Variants in PDE4D observed in about 807,000 individuals in gnomAD.
The protein encoded by PDE4D is phosphodiesterase 4D.
In PDE4D, 24 loss-of-function variants were observed where a neutral mutation model predicts 87.4. That is an observed-to-expected ratio of 0.27 (90% CI 0.20 to 0.39). The LOEUF is 0.39. Among genes scored for constraint, PDE4D ranks in the 10% least tolerant of loss-of-function variants. The pLI is 1.00. For missense variants in PDE4D, 714 were observed against 1,041.0 expected, an observed-to-expected ratio of 0.69 and a Z score of 4.32; for synonymous variants, 384 against 383.2, an observed-to-expected ratio of 1.00 and a Z score of -0.02.
intron 1 of PDE4D, among the ~76,000 whole-genome samples, chr5:60,297,512 A>C (rs1301494314): frequency 6.6e-6 from 1 of 152,216 alleles, no homozygotes; most frequent in African/African-American, 2.4e-5. Flanking sequence ...TATGGTTACC[A>C]AACATGCTAT....
At chr5:59,202,796 T>A (rs1229908538) in intron 2 of PDE4D, among the ~76,000 whole-genome samples, 4 of 152,168 alleles carry the variant, frequency 2.6e-5, no homozygotes, top group Non-Finnish European at 5.9e-5. Context: ...CCACCATGAT[T>A]GTGAGGCCTC....
rs575145930 is a variant in PDE4D at position 60,184,685 on chromosome 5, C to A, written c.42+872G>T. On this transcript the variant is annotated intron_variant, in intron 2 of 16. Coordinates refer to the PDE4D transcript ENST00000502484. ...ACCCTTAAAAGCTGGATGGTAACTC[C>A]ATAGAAAGAATGAAAGATGGCCTTG... is the stretch of plus-strand genomic sequence containing the variant. Among the ~76,000 whole-genome samples, 17 of 152,302 alleles carry A rather than the reference C, an allele frequency of 1.1e-4. No homozygotes were observed. The South Asian group carries it at 3.3e-3, about 30-fold the overall frequency.
intron 5 of PDE4D, among the ~76,000 whole-genome samples, chr5:59,057,893 G>A (rs1762586864): frequency 6.6e-6 from 1 of 152,126 alleles, no homozygotes; most frequent in African/African-American, 2.4e-5. Context: ...AGCATTAGTA[G>A]GGGACTGGGA....
intron 1 of PDE4D, among the ~76,000 whole-genome samples, chr5:59,470,511 G>A (rs1368688728): frequency 3.9e-5 from 6 of 152,068 alleles, no homozygotes; most frequent in Non-Finnish European, 5.9e-5. Context: ...GAATTAAGCC[G>A]AGAAATAGTT....
At chr5:59,309,949 A>G (rs1177813681) in intron 1 of PDE4D, among the ~76,000 whole-genome samples, 2 of 151,840 alleles carry the variant, frequency 1.3e-5, no homozygotes, top group Non-Finnish European at 2.9e-5. Context: ...GAGGCACCCA[A>G]CTCTGCTTAC....
At chr5:60,081,558 T>G (rs1773956333) in intron 2 of PDE4D, among the ~76,000 whole-genome samples, 1 of 152,196 alleles carries the variant, frequency 6.6e-6, no homozygotes, top group Non-Finnish European at 1.5e-5. Context: ...TAATACTGCT[T>G]TAACTGTGTC....
rs1180727521 is a variant in PDE4D at position 59,215,836 on chromosome 5, G to A, written c.588C>T (p.Asp196=). The change falls in exon 2 of 15, where the codon GAC becomes GAT. Residue 196 remains aspartate (D), a synonymous_variant. Coordinates refer to ENST00000340635, the MANE Select transcript of PDE4D (RefSeq NM_001104631.2). The part of the protein sequence containing the change: ...QRRESFLYRS[D]SDYDLSPKSM... ...ACTTTGGAGAGAGGTCATAATCGCT[G>A]TCGGATCGATACAGGAAGGACTCCC... 6 of 1,613,696 alleles carry A rather than the reference G, an allele frequency of 3.7e-6. No homozygotes were observed. The highest frequency in any genetic ancestry group is 1.1e-5 in the South Asian group (1 of 91,090).
intron 1 of PDE4D, among the ~76,000 whole-genome samples, chr5:59,761,609 C>G (rs1235111392): frequency 6.6e-6 from 1 of 151,912 alleles, no homozygotes; most frequent in African/African-American, 2.4e-5. Flanking sequence ...TTAGCCTAGG[C>G]TTACACAAGG....
At chr5:59,662,570 C>T (rs990030684) in intron 1 of PDE4D, among the ~76,000 whole-genome samples, 1 of 152,174 alleles carries the variant, frequency 6.6e-6, no homozygotes, top group East Asian at 1.9e-4. Flanking sequence ...ATCATTTGTA[C>T]ACTTAGATTG....
intron 3 of PDE4D, among the ~76,000 whole-genome samples, chr5:59,187,278 T>C (rs34563226): frequency 0.16 from 25,008 of 152,112 alleles, 2,204 homozygotes; most frequent in African/African-American, 0.2. Flanking sequence ...AATTTAATAT[T>C]ATTTTGTCTT....
At chr5:59,376,556 C>T (rs1784768945) in intron 1 of PDE4D, among the ~76,000 whole-genome samples, 1 of 152,136 alleles carries the variant, frequency 6.6e-6, no homozygotes, top group Non-Finnish European at 1.5e-5. Flanking sequence ...AATAGAAAAA[C>T]ATTCCATGAT....
intron 1 of PDE4D, among the ~76,000 whole-genome samples, chr5:59,802,145 G>A (rs1294871969): frequency 6.6e-6 from 1 of 152,062 alleles, no homozygotes; most frequent in Non-Finnish European, 1.5e-5. Context: ...GGGTAATTTT[G>A]GCAATCTCTA....
intron 1 of PDE4D, among the ~76,000 whole-genome samples, chr5:59,808,542 T>C (rs1180760660): frequency 6.6e-6 from 1 of 152,116 alleles, no homozygotes; most frequent in Non-Finnish European, 1.5e-5. Context: ...TTCCCAAGCC[T>C]AGGCCCCATT....
chr5:59,633,725 G>T (rs922321255), intron 1 of PDE4D, among the ~76,000 whole-genome samples: 10 of 152,240 alleles, frequency 6.6e-5, no homozygotes, highest in Non-Finnish European at 1.2e-4. Context: ...CCTTACAAGA[G>T]CTCCTGGAGG....
Position 59,000,011 on chromosome 5 carries a change from C to G in PDE4D, c.922-6546G>C, listed in dbSNP as rs1366407626. The G allele has an allele frequency of 4.8e-5, 33 of 692,194 alleles. No homozygotes were observed. The Admixed American group carries it at 5.0e-4, about 11-fold the overall frequency. The allele number at this position is 692,194 out of a possible 1,614,324, so 42.9% of individuals were successfully genotyped here. A position where few individuals can be genotyped will look rare whatever the true frequency, so the allele number is the denominator to read the frequency against. ...GCACCAATTGCATTCCAGCTCTTAG[C>G]CTATAAGGCGAGGGGGTGTGGCCTC... is the stretch of plus-strand genomic sequence containing the variant. On this transcript the variant is annotated intron_variant, in intron 6 of 14. Transcript: ENST00000340635.
chr5:59,506,561 A>C (rs1809302327), intron 1 of PDE4D, among the ~76,000 whole-genome samples: 1 of 152,192 alleles, frequency 6.6e-6, no homozygotes, highest in Non-Finnish European at 1.5e-5. Context: ...AAAAATTTGA[A>C]GAGAAGAAGG....
intron 1 of PDE4D, among the ~76,000 whole-genome samples, chr5:59,331,385 G>T (rs566633991): frequency 2.0e-5 from 3 of 152,026 alleles, no homozygotes; most frequent in Admixed American, 6.5e-5. Flanking sequence ...TCTTCTCTGC[G>T]TGTGCGCGTG....
chr5:59,868,754 G>A (rs1297940877), intron 1 of PDE4D, among the ~76,000 whole-genome samples: 2 of 152,136 alleles, frequency 1.3e-5, no homozygotes, highest in Non-Finnish European at 2.9e-5. Flanking sequence ...GTTCTCCTGC[G>A]AAATAATACT....
At chr5:59,082,671 A>T (rs1024895370) in intron 5 of PDE4D, among the ~76,000 whole-genome samples, 2 of 152,190 alleles carry the variant, frequency 1.3e-5, no homozygotes, top group African/African-American at 4.8e-5. Context: ...ACTGAAGGAC[A>T]TTTTTAAAAA....
Sources: allele counts gnomAD v4.1 joint callset (sites outside exome capture counted in the v4.1 genomes callset), GRCh38; gene constraint gnomAD v4.1.1; transcripts MANE v1.5; gene names NCBI Gene and HGNC (gene_info 2026-07-23, HGNC 2026-07-21).